The following ANKRD13B variants were observed in gnomAD, a reference collection of about 807,000 sequenced individuals.
ANKRD13B encodes the protein ankyrin repeat domain 13B.
ANKRD13B carries 33 observed loss-of-function variants against 74.4 expected under a neutral mutation model. That is an observed-to-expected ratio of 0.44 (90% CI 0.34 to 0.59). ANKRD13B has a LOEUF of 0.59. ANKRD13B is among the 20% of genes least tolerant of loss of function. The pLI is 0.02. For synonymous variants in ANKRD13B, 341 were observed against 362.9 expected, an observed-to-expected ratio of 0.94 and a Z score of 0.68; for missense variants, 676 against 877.9, an observed-to-expected ratio of 0.77 and a Z score of 2.91.
rs551693449 is a variant in ANKRD13B at position 29,608,856 on chromosome 17, C to T, written c.427C>T (p.Leu143=). The T allele has an allele frequency of 1.2e-6, 2 of 1,614,108 alleles. No homozygotes were observed. Among genetic ancestry groups the T allele is most frequent in the African/African-American group, 2.7e-5 (2 of 75,072 alleles). ...MKWEFTSWVP[L]VSKICPSDTY... is the part of the protein sequence containing the mutation. Reference sequence around the variant, plus strand: ...CCAACCTCCGCTTCCACCAGTGCCCCTGGTGTCCAAGATCTGCCCTAGTGA... The same window carrying T: ...CCAACCTCCGCTTCCACCAGTGCCCTTGGTGTCCAAGATCTGCCCTAGTGA... Residue 143 remains leucine, a synonymous_variant, in exon 5 of 15, where the codon CTG becomes TTG. Coordinates refer to ENST00000394859, the MANE Select transcript of ANKRD13B (RefSeq NM_152345.5). The surrounding 1 kb of genome is among the most constrained non-coding windows in gnomAD (Gnocchi z 6.4).
At chr17:29,605,075 G>A (rs2034320574) in intron 1 of ANKRD13B, among the ~76,000 whole-genome samples, 1 of 152,168 alleles carries the variant, frequency 6.6e-6, no homozygotes, top group Non-Finnish European at 1.5e-5. Flanking sequence ...GTGAAGTTTA[G>A]TATTCAGGAA....
chr17:29,613,564 C>T lies in ANKRD13B; in HGVS notation c.1863C>T (p.Leu621=), dbSNP rs1461934872. The change falls in exon 15 of 15, where the codon CTC becomes CTT. Residue 621 remains leucine, a synonymous_variant. Coordinates refer to ENST00000394859, the MANE Select transcript of ANKRD13B (RefSeq NM_152345.5). ...AGGAGCTGGAGCGCATCCTGAGGCT[C>T]TCACTGACCGAGCAGTAGCGCCCCC... ...EEEELERILR[L]SLTEQ is the part of the protein sequence containing the mutation. 2.5e-5 allele frequency: 37 copies of T among 1,485,742 alleles called. No individual in the cohort carries two copies. Among genetic ancestry groups the T allele is most frequent in the Non-Finnish European group, 3.0e-5 (34 of 1,117,820 alleles). 92.0% of individuals were successfully genotyped at this position (1,485,742 alleles called of 1,614,324 possible). A position where few individuals can be genotyped will look rare whatever the true frequency, so the allele number is the denominator to read the frequency against.
At position 29,612,647 on chromosome 17, in the gene ANKRD13B, C is replaced by A. The variant is rs528456853; in HGVS notation, c.1412-5C>A. 1.1e-4 allele frequency: 176 copies of A among 1,540,090 alleles called. No individual in the cohort carries two copies. The African/African-American group carries it at 2.0e-3, about 18-fold the overall frequency. ...CCGTGCCTGACCCAGCCCCCGCGCC[C>A]CCAGCCTCCTGCCGCGGCTGCGAGA... On this transcript the variant is annotated splice_region_variant and splice_polypyrimidine_tract_variant and intron_variant, in intron 12 of 14. Transcript: ENST00000394859. This position sits in a 1 kb window ranked among gnomAD's most constrained non-coding sequence, Gnocchi z 6.1.
chr17:29,593,652 G>A lies in ANKRD13B; in HGVS notation c.31G>A (p.Gly11Arg), dbSNP rs749530257. 2.1e-5 allele frequency: 30 copies of A among 1,416,132 alleles called. No homozygotes were observed. Among genetic ancestry groups the A allele is most frequent in the Non-Finnish European group, 2.6e-5 (28 of 1,072,658 alleles). The allele number at this position is 1,416,132 out of a possible 1,614,324, so 87.7% of individuals were successfully genotyped here. A position where few individuals can be genotyped will look rare whatever the true frequency, so the allele number is the denominator to read the frequency against. Residue 11 changes from glycine to arginine, a missense_variant, in exon 1 of 15, where the codon GGG becomes AGG. This residue lies in a region of ANKRD13B where 88 missense variants were observed against 87.8 expected (regional missense o/e 1.00). Coordinates refer to ENST00000394859, the MANE Select transcript of ANKRD13B (RefSeq NM_152345.5). ...CCCCGCCAACGCCTCCGCCAGGAAG[G>A]GGCCCGAGGGCAAGTATCCGCTGCA... MIPANASARK[G>R]PEGKYPLHYL...
intron 1 of ANKRD13B, among the ~76,000 whole-genome samples, chr17:29,604,139 T>C (rs2034280718): frequency 6.6e-6 from 1 of 152,200 alleles, no homozygotes; most frequent in South Asian, 2.1e-4. Flanking sequence ...GGATTTGTTA[T>C]TGTTCTTTAA....
intron 1 of ANKRD13B, among the ~76,000 whole-genome samples, chr17:29,598,447 C>G (rs914954151): frequency 6.6e-6 from 1 of 152,142 alleles, no homozygotes; most frequent in Admixed American, 6.5e-5. Context: ...CATTTACCTC[C>G]CTAATTATAA....
rs2034737036 is a variant in ANKRD13B, at chr17:29,614,452, A to AT, written c.*871dup. 6.6e-6 allele frequency: 1 copy of AT among 150,650 alleles called. No homozygotes were observed. Among genetic ancestry groups the AT allele is most frequent in the Non-Finnish European group, 1.5e-5 (1 of 67,838 alleles). The allele number at this position is 150,650 out of a possible 1,614,324, so 9.3% of individuals were successfully genotyped here. The stretch of plus-strand genomic sequence containing the variant: ...CTGCTGCTAGCCTCTGTGGTTGTAC[A>AT]TCCCACTTGCCCCCACACGGAGACT... On this transcript the variant is annotated 3_prime_UTR_variant, in exon 15 of 15. Transcript: ENST00000394859.
intron 14 of ANKRD13B, 68 bp downstream of exon 14, chr17:29,613,031 C>A (rs1334734400): frequency 3.9e-6 from 6 of 1,539,944 alleles, no homozygotes; most frequent in Admixed American, 1.9e-5. Flanking sequence ...CAGGACACAG[C>A]CGGAGAACCC....
chr17:29,608,831 C>T lies in ANKRD13B; in HGVS notation c.422-20C>T. On this transcript the variant is annotated intron_variant, in intron 4 of 14. Coordinates refer to ENST00000394859, the MANE Select transcript of ANKRD13B (RefSeq NM_152345.5). This position sits in a 1 kb window ranked among gnomAD's most constrained non-coding sequence, Gnocchi z 6.4. ...TAGGCCAGACCAGTCAAAGCCACCT[C>T]CAACCTCCGCTTCCACCAGTGCCCC... 1 of 1,613,944 alleles carries T rather than the reference C, an allele frequency of 6.2e-7. No homozygotes were observed. The highest frequency in any genetic ancestry group is 8.5e-7 in the Non-Finnish European group (1 of 1,179,944).
intron 14 of ANKRD13B, 174 bp from the exon 15 acceptor site, chr17:29,613,180 T>C (rs1213030672): frequency 3.3e-6 from 4 of 1,216,908 alleles, no homozygotes; most frequent in Non-Finnish European, 2.2e-6. Context: ...CGGGGAGAAC[T>C]TGGTAGGGTC....
At chr17:29,598,691 G>A (rs765497284) in intron 1 of ANKRD13B, among the ~76,000 whole-genome samples, 1 of 152,142 alleles carries the variant, frequency 6.6e-6, no homozygotes, top group Non-Finnish European at 1.5e-5. Context: ...TAGGACTACA[G>A]GTGGTGCCAC....
In ANKRD13B at chr17:29,612,368, G is replaced by A; in HGVS notation, c.1259-34G>A. 6.2e-7 allele frequency: 1 copy of A among 1,611,994 alleles called. No individual in the cohort carries two copies. Among genetic ancestry groups the A allele is most frequent in the Non-Finnish European group, 8.5e-7 (1 of 1,178,556 alleles). On this transcript the variant is annotated intron_variant, in intron 11 of 14. Transcript: ENST00000394859. The surrounding 1 kb of genome is among the most constrained non-coding windows in gnomAD (Gnocchi z 6.1). ...GGCTGAGGCTGAGGTGTGAGGGGCT[G>A]AGTGGTGGCGCCTAAAGGTTTCCTC... is the stretch of plus-strand genomic sequence containing the variant.
Position 29,604,865 on chromosome 17 carries a change from AG to A in ANKRD13B, c.115-2874del, listed in dbSNP as rs781518441. On this transcript the variant is annotated intron_variant, in intron 1 of 14. Coordinates refer to ENST00000394859, the MANE Select transcript of ANKRD13B (RefSeq NM_152345.5). ...GCCTGAGGCTAATTTTTAATCTGTT[AG>A]GGTGGGTCTAGGTGAGCCTTTTCTC... Among the ~76,000 whole-genome samples, 9 of 152,258 alleles carry A rather than the reference AG, an allele frequency of 5.9e-5. No individual in the cohort carries two copies. In the East Asian group the frequency reaches 1.7e-3, roughly 29 times the overall value.
intron 1 of ANKRD13B, among the ~76,000 whole-genome samples, chr17:29,602,003 C>T (rs144992907): frequency 1.3e-5 from 2 of 152,286 alleles, no homozygotes; most frequent in African/African-American, 2.4e-5. Context: ...TAGTTTACTT[C>T]GTGTTTGTCT....
At position 29,609,542 on chromosome 17, in the gene ANKRD13B, C is replaced by G; in HGVS notation, c.822+121C>G. 8.2e-7 allele frequency: 1 copy of G among 1,221,204 alleles called. No homozygotes were observed. The highest frequency in any genetic ancestry group is 2.3e-5 in the Admixed American group (1 of 44,304). The allele number at this position is 1,221,204 out of a possible 1,614,324, so 75.6% of individuals were successfully genotyped here. On this transcript the variant is annotated intron_variant, in intron 7 of 14. Transcript: ENST00000394859. This position sits in a 1 kb window ranked among gnomAD's most constrained non-coding sequence, Gnocchi z 4.0. ...ACAGAAGCAATGCAGCGTGGTCAAG[C>G]ACTTATATTTGGGTTCAAGGCACTT...
chr17:29,601,322 A>G (rs1169191679), intron 1 of ANKRD13B, among the ~76,000 whole-genome samples: 1 of 151,772 alleles, frequency 6.6e-6, no homozygotes, highest in African/African-American at 2.4e-5. Context: ...CCCAGGTTCA[A>G]GCGATTCTTG....
chr17:29,601,377 A>G (rs1474569249), intron 1 of ANKRD13B, among the ~76,000 whole-genome samples: 1 of 151,628 alleles, frequency 6.6e-6, no homozygotes, highest in Non-Finnish European at 1.5e-5. Context: ...ATCCCCCACC[A>G]CGCCCAGCTA....
At chr17:29,610,065 G>T (rs1249229759) in intron 7 of ANKRD13B, among the ~76,000 whole-genome samples, 1 of 151,972 alleles carries the variant, frequency 6.6e-6, no homozygotes, top group Non-Finnish European at 1.5e-5. Flanking sequence ...GGTAGCAGGC[G>T]CCTGTAATCC....
Position 29,608,261 on chromosome 17 carries a change from C to G in ANKRD13B, c.421+21C>G. The G allele has an allele frequency of 6.2e-7, 1 of 1,613,926 alleles. No homozygotes were observed. Among genetic ancestry groups the G allele is most frequent in the Non-Finnish European group, 8.5e-7 (1 of 1,179,986 alleles). ...CTGGGGTAAGCGGGCTGCAGCAGGTCGCTTCTGGGCTCTCCCACTTTAGGT... is the reference window on the plus strand; with the variant it reads ...CTGGGGTAAGCGGGCTGCAGCAGGTGGCTTCTGGGCTCTCCCACTTTAGGT... On this transcript the variant is annotated intron_variant, in intron 4 of 14. Coordinates refer to ENST00000394859, the MANE Select transcript of ANKRD13B (RefSeq NM_152345.5). The surrounding 1 kb of genome is among the most constrained non-coding windows in gnomAD (Gnocchi z 6.4).
Sources: gnomAD v4.1 joint callset for allele counts (sites outside exome capture counted in the v4.1 genomes callset) on GRCh38, gnomAD v4.1.1 for gene constraint, gnomAD v4.1.1 regional missense constraint, Gnocchi (gnomAD v3.1) non-coding constraint, MANE v1.5 for transcripts, NCBI Gene and HGNC (gene_info 2026-07-23, HGNC 2026-07-21) for gene names.